The following FSTL5 variants were observed in gnomAD, a reference collection of about 807,000 sequenced individuals.
FSTL5 encodes the protein follistatin-related protein 5.
Under a neutral mutation model 89.1 loss-of-function variants are expected in FSTL5, and 62 were observed. That is an observed-to-expected ratio of 0.70 (90% confidence interval 0.57 to 0.86). The LOEUF (loss-of-function observed/expected upper bound fraction) is 0.86. Among genes scored for constraint, FSTL5 ranks in the 40% least tolerant of loss-of-function variants. The pLI is 0.00. For missense variants in FSTL5, 1,057 were observed against 1,001.6 expected (o/e 1.06, Z -0.75); for synonymous variants, 383 against 346.2 (o/e 1.11, Z -1.18).
At chr4:162,015,731 T>C (rs952048004) in intron 3 of FSTL5, among the ~76,000 whole-genome samples, 1 of 152,204 alleles carries the variant, frequency 6.6e-6, no homozygotes, top group Non-Finnish European at 1.5e-5. Flanking sequence ...GCACTGCCTC[T>C]ATGGCTCTTC....
Position 162,119,230 on chromosome 4 carries a change from T to TAAAA in FSTL5, c.-16-7822_-16-7819dup, listed in dbSNP as rs35645704. On this transcript the variant is annotated intron_variant, in intron 1 of 15. Transcript: ENST00000306100. ...CAACAGAGTGAGATCCTATCTCTCTTAAAAAAAAAAAAAGGTGCACACAAT... is the reference window on the plus strand; with the variant it reads ...CAACAGAGTGAGATCCTATCTCTCTTAAAAAAAAAAAAAAAAAGGTGCACACAAT... 3.5e-5 allele frequency among the ~76,000 whole-genome samples: 5 copies of TAAAA among 142,702 alleles called. No homozygotes were observed. In the Middle Eastern group the frequency reaches 0.014, roughly 408 times the overall value. 93.6% of individuals were successfully genotyped at this position (142,702 alleles called of 152,430 possible).
At chr4:161,485,177 GA>G (rs36095664) in intron 12 of FSTL5, among the ~76,000 whole-genome samples, 1 of 152,114 alleles carries the variant, frequency 6.6e-6, no homozygotes, top group Non-Finnish European at 1.5e-5. Context: ...GCCATTTGCA[GA>G]AAAAAAGTGT....
chr4:161,998,223 C>T (rs1391209571), intron 3 of FSTL5, among the ~76,000 whole-genome samples: 1 of 152,116 alleles, frequency 6.6e-6, no homozygotes, highest in Non-Finnish European at 1.5e-5. Flanking sequence ...TTGTATACCC[C>T]CTGACTTTCT....
chr4:161,814,527 C>T (rs1401857318), intron 4 of FSTL5, among the ~76,000 whole-genome samples: 1 of 151,976 alleles, frequency 6.6e-6, no homozygotes, highest in African/African-American at 2.4e-5. Context: ...TTTATTTCTA[C>T]AAAACAACTG....
intron 7 of FSTL5, among the ~76,000 whole-genome samples, chr4:161,601,818 A>T (rs548810884): frequency 1.5e-4 from 23 of 152,248 alleles, no homozygotes; most frequent in African/African-American, 5.5e-4. Context: ...TAACTTTTCA[A>T]TGAAGATCTC....
intron 6 of FSTL5, among the ~76,000 whole-genome samples, chr4:161,686,318 A>ATTTTTTTTTTTT: frequency 2.5e-4 from 1 of 4,066 alleles, no homozygotes; most frequent in African/African-American, 9.6e-4. Context: ...ATATATATAT[A>ATTTTTTTTTTTT]TATATATATA....
intron 6 of FSTL5, among the ~76,000 whole-genome samples, chr4:161,725,894 T>C (rs1010095529): frequency 6.6e-6 from 1 of 152,246 alleles, no homozygotes; most frequent in Non-Finnish European, 1.5e-5. Flanking sequence ...CAAAAGGTTT[T>C]TGCTATTACT....
At chr4:161,605,209 AT>A (rs1438978449) in intron 7 of FSTL5, among the ~76,000 whole-genome samples, 2 of 152,184 alleles carry the variant, frequency 1.3e-5, no homozygotes, top group Non-Finnish European at 2.9e-5. Context: ...AGTGTTTTCA[AT>A]TTGTGAAAAT....
chr4:161,589,161 G>T (rs1733721871), intron 7 of FSTL5, among the ~76,000 whole-genome samples: 1 of 116,644 alleles, frequency 8.6e-6, no homozygotes, highest in African/African-American at 3.3e-5. Context: ...GTTAATTGTT[G>T]GTTTTTGTTT....
chr4:162,103,809 A>C (rs1561020907), intron 2 of FSTL5, among the ~76,000 whole-genome samples: 1 of 152,170 alleles, frequency 6.6e-6, no homozygotes, highest in Admixed American at 6.5e-5. Context: ...AACTTAGCTC[A>C]CACCCGACCA....
intron 8 of FSTL5, among the ~76,000 whole-genome samples, chr4:161,571,517 A>G (rs957553264): frequency 2.0e-5 from 3 of 152,174 alleles, no homozygotes; most frequent in African/African-American, 7.2e-5. Context: ...GAATTCTCAC[A>G]AAATAAAGAA....
At position 161,779,809 on chromosome 4, in the gene FSTL5, A is replaced by ATATATG. The variant is rs1741585186; in HGVS notation, c.410-3736_410-3735insCATATA. Among the ~76,000 whole-genome samples, 9 of 60,538 alleles carry ATATATG rather than the reference A, an allele frequency of 1.5e-4. No homozygotes were observed. In the South Asian group the frequency reaches 2.0e-3, roughly 13 times the overall value. The allele number at this position is 60,538 out of a possible 152,430, so 39.7% of individuals were successfully genotyped here. On this transcript the variant is annotated intron_variant, in intron 4 of 15. Coordinates refer to ENST00000306100, the MANE Select transcript of FSTL5 (RefSeq NM_020116.5). ...TATATATATATATATATATATATAT[A>ATATATG]TGTATATATATATATATATATATAT... is the stretch of plus-strand genomic sequence containing the variant.
At chr4:161,853,416 T>C (rs7693471) in intron 4 of FSTL5, among the ~76,000 whole-genome samples, 146,029 of 151,934 alleles carry the variant, frequency 0.96, 70,363 homozygotes, top group Non-Finnish European at 1. Flanking sequence ...TACAGGCACC[T>C]GCCACTACAC....
intron 8 of FSTL5, among the ~76,000 whole-genome samples, chr4:161,568,937 A>C (rs777010611): frequency 6.6e-5 from 10 of 152,214 alleles, no homozygotes; most frequent in Non-Finnish European, 1.2e-4. Flanking sequence ...GGAATCTTGC[A>C]GGGTTAACTT....
chr4:161,488,515 T>TA (rs1232181880), intron 12 of FSTL5, among the ~76,000 whole-genome samples: 8 of 151,722 alleles, frequency 5.3e-5, no homozygotes, highest in African/African-American at 1.5e-4. Flanking sequence ...TTAGAGAGGT[T>TA]AAAAAAAACA....
chr4:161,567,589 A>C (rs1034197508), intron 8 of FSTL5, among the ~76,000 whole-genome samples: 16 of 152,166 alleles, frequency 1.1e-4, no homozygotes, highest in African/African-American at 3.6e-4. Context: ...TATCATGCTA[A>C]TTTAAATATC....
chr4:161,689,256 A>C, intron 6 of FSTL5, among the ~76,000 whole-genome samples: 1 of 152,148 alleles, frequency 6.6e-6, no homozygotes, highest in East Asian at 1.9e-4. Context: ...CTATAAGAGA[A>C]AGCATTTTTT....
At chr4:162,066,346 TCTTCTTCTC>T (rs1379269962) in intron 2 of FSTL5, among the ~76,000 whole-genome samples, 2,376 of 130,908 alleles carry the variant, frequency 0.018, 41 homozygotes, top group East Asian at 0.082. Context: ...TTCTTCTTCT[TCTTCTTCTC>T]CTTCTTCTTC....
At chr4:161,783,395 T>G (rs77985989) in intron 4 of FSTL5, among the ~76,000 whole-genome samples, 1 of 151,970 alleles carries the variant, frequency 6.6e-6, no homozygotes, top group African/African-American at 2.4e-5. Flanking sequence ...CCGGGTAACC[T>G]ATCTATAAAT....
Sources: gnomAD v4.1 joint callset for allele counts (sites outside exome capture counted in the v4.1 genomes callset) on GRCh38, gnomAD v4.1.1 for gene constraint, MANE v1.5 for transcripts, NCBI Gene and HGNC (gene_info 2026-07-23, HGNC 2026-07-21) for gene names.